RALA: variants seen among roughly 807,000 people sequenced by gnomAD.
The protein encoded by RALA is ras-related protein Ral-A.
A neutral mutation model predicts 24.0 loss-of-function variants in RALA; 5 were observed. The ratio of observed to expected loss-of-function variants is 0.21; its 90% CI spans 0.11 to 0.44. The LOEUF is 0.44. RALA is among the 20% of genes least tolerant of loss of function. The pLI is 0.99. For missense variants in RALA, 95 were observed against 241.2 expected, an observed-to-expected ratio of 0.39 and a Z score of 4.01; for synonymous variants, 77 against 83.8, an observed-to-expected ratio of 0.92 and a Z score of 0.44.
At chr7:39,652,026 C>T (rs559539660) in intron 1 of RALA, among the ~76,000 whole-genome samples, 2 of 152,220 alleles carry the variant, frequency 1.3e-5, no homozygotes, top group Non-Finnish European at 2.9e-5. Flanking sequence ...TAGAAATTTC[C>T]TTCTCATATT....
chr7:39,699,121 ATTTTTTTT>A (rs71560137), intron 4 of RALA, among the ~76,000 whole-genome samples: 2 of 61,366 alleles, frequency 3.3e-5, no homozygotes, highest in Non-Finnish European at 6.8e-5. Flanking sequence ...TAAAAATGTT[ATTTTTTTT>A]TTTTTTTTTT....
chr7:39,635,127 A>G (rs557835680), intron 1 of RALA, among the ~76,000 whole-genome samples: 3 of 152,180 alleles, frequency 2.0e-5, no homozygotes, highest in African/African-American at 7.2e-5. Context: ...AGGCAGGCAG[A>G]TTGCTTGAGT....
chr7:39,654,320 C>A (rs1792063798), intron 1 of RALA, among the ~76,000 whole-genome samples: 1 of 152,196 alleles, frequency 6.6e-6, no homozygotes, highest in Non-Finnish European at 1.5e-5. Flanking sequence ...TCAGCTCAGT[C>A]TCCAATCCTC....
intron 1 of RALA, among the ~76,000 whole-genome samples, chr7:39,627,218 G>GA (rs1250348613): frequency 2.6e-5 from 4 of 151,896 alleles, no homozygotes; most frequent in Non-Finnish European, 5.9e-5. Flanking sequence ...TTGCCGTATA[G>GA]AAAAAAAGAA....
chr7:39,682,037 A>G (rs1245963279), intron 1 of RALA, among the ~76,000 whole-genome samples: 3 of 152,348 alleles, frequency 2.0e-5, no homozygotes, highest in Admixed American at 6.5e-5. Context: ...TCCAAATAAC[A>G]TAGTGGTTAG....
chr7:39,671,123 C>T (rs1262503606), intron 1 of RALA, among the ~76,000 whole-genome samples: 3 of 152,118 alleles, frequency 2.0e-5, no homozygotes, highest in African/African-American at 7.2e-5. Flanking sequence ...AGTCCTAACT[C>T]AAGTCATCAT....
chr7:39,705,078 T>C (rs1488096893), intron 4 of RALA, among the ~76,000 whole-genome samples: 1 of 152,212 alleles, frequency 6.6e-6, no homozygotes, highest in Non-Finnish European at 1.5e-5. Context: ...CCCTCCTCCC[T>C]TCTTCAAAAT....
intron 1 of RALA, among the ~76,000 whole-genome samples, chr7:39,661,914 AG>A (rs1433278738): frequency 4.3e-5 from 2 of 46,724 alleles, no homozygotes; most frequent in East Asian, 4.7e-4. Context: ...CTGGACATCC[AG>A]GCGTTTCTAT....
At chr7:39,653,041 A>ATTT (rs1316032426) in intron 1 of RALA, among the ~76,000 whole-genome samples, 6 of 147,924 alleles carry the variant, frequency 4.1e-5, no homozygotes, top group Non-Finnish European at 6.0e-5. Flanking sequence ...TATTATTATT[A>ATTT]TTTTTTGAGA....
At chr7:39,690,736 ACT>A in intron 3 of RALA, 146 bp downstream of exon 3, 1 of 636,234 alleles carries the variant, frequency 1.6e-6, no homozygotes, top group Non-Finnish European at 2.7e-6. Context: ...TCAGTATATG[ACT>A]CTCTCTACTG....
chr7:39,649,287 T>C (rs1791979345), intron 1 of RALA, among the ~76,000 whole-genome samples: 1 of 152,188 alleles, frequency 6.6e-6, no homozygotes, highest in Non-Finnish European at 1.5e-5. Context: ...AGGGGAGAGA[T>C]GAAATCCAGA....
At chr7:39,671,633 T>G (rs1183703563) in intron 1 of RALA, among the ~76,000 whole-genome samples, 2 of 152,222 alleles carry the variant, frequency 1.3e-5, no homozygotes, top group Admixed American at 6.5e-5. Context: ...ATGTTAAGAT[T>G]CTGTGCTTTG....
intron 1 of RALA, among the ~76,000 whole-genome samples, chr7:39,658,085 G>A (rs1792125020): frequency 6.6e-6 from 1 of 152,168 alleles, no homozygotes; most frequent in African/African-American, 2.4e-5. Context: ...AAATGACTGA[G>A]GAGCGTTGTC....
chr7:39,632,183 A>G, intron 1 of RALA, among the ~76,000 whole-genome samples: 1 of 152,228 alleles, frequency 6.6e-6, no homozygotes, highest in East Asian at 1.9e-4. Flanking sequence ...ACATTTCAAC[A>G]TGAAACTTGG....
chr7:39,660,036 AT>A (rs970586754), intron 1 of RALA, among the ~76,000 whole-genome samples: 10 of 150,916 alleles, frequency 6.6e-5, no homozygotes, highest in Admixed American at 2.6e-4. Flanking sequence ...CTTTAAAAAA[AT>A]TTTTTTTTTA....
chr7:39,659,302 T>C (rs1219774149), intron 1 of RALA, among the ~76,000 whole-genome samples: 2 of 152,026 alleles, frequency 1.3e-5, no homozygotes, highest in Admixed American at 1.3e-4. Context: ...AAAATAAATA[T>C]GATCAAATCT....
chr7:39,660,732 A>G (rs1792172605), intron 1 of RALA, among the ~76,000 whole-genome samples: 1 of 152,194 alleles, frequency 6.6e-6, no homozygotes, highest in South Asian at 2.1e-4. Flanking sequence ...CAGATTTACA[A>G]CAATTTGAAA....
chr7:39,704,352 C>G (rs1197860540), intron 4 of RALA, among the ~76,000 whole-genome samples: 1 of 151,934 alleles, frequency 6.6e-6, no homozygotes, highest in African/African-American at 2.4e-5. Context: ...AATGGAGTCT[C>G]ACTCTGTTGC....
At chr7:39,641,898 T>C (rs1291383647) in intron 1 of RALA, among the ~76,000 whole-genome samples, 1 of 152,236 alleles carries the variant, frequency 6.6e-6, no homozygotes, top group African/African-American at 2.4e-5. Context: ...TTGGATACTG[T>C]GTGGAACTTA....
Sources: allele counts gnomAD v4.1 joint callset (sites outside exome capture counted in the v4.1 genomes callset), GRCh38; gene constraint gnomAD v4.1.1; transcripts MANE v1.5; gene names NCBI Gene and HGNC (gene_info 2026-07-23, HGNC 2026-07-21).